Variants in MAML3 observed in about 807,000 individuals in gnomAD.
MAML3 encodes mastermind like transcriptional coactivator 3, also known as mastermind-like protein 3.
In MAML3, 27 loss-of-function variants were observed where a neutral mutation model predicts 101.9. That is an observed-to-expected ratio of 0.27 (90% CI 0.20 to 0.37). The LOEUF is 0.37. Among genes scored for constraint, MAML3 ranks in the 10% least tolerant of loss-of-function variants. MAML3 has a pLI of 1.00. For missense variants in MAML3, 1,316 were observed against 1,444.9 expected (o/e 0.91, Z 1.45); for synonymous variants, 501 against 555.9 (o/e 0.90, Z 1.39).
intron 2 of MAML3, among the ~76,000 whole-genome samples, chr4:139,775,135 T>G (rs1464224178): frequency 1.3e-5 from 2 of 152,152 alleles, no homozygotes; most frequent in Non-Finnish European, 2.9e-5. Context: ...ATTCTCTGGG[T>G]TTTATACTGC....
chr4:139,723,236 T>C (rs1231633156), intron 4 of MAML3, among the ~76,000 whole-genome samples: 9 of 152,244 alleles, frequency 5.9e-5, no homozygotes, highest in Non-Finnish European at 1.3e-4. Context: ...TCTATTTATA[T>C]AGAAACAAAA....
intron 1 of MAML3, among the ~76,000 whole-genome samples, chr4:139,946,902 C>CACAG (rs1421737127): frequency 2.5e-5 from 3 of 117,686 alleles, no homozygotes; most frequent in Admixed American, 7.5e-5. Context: ...CACACACACA[C>CACAG]ACACACACAC....
In MAML3 at chr4:139,858,452, CT is replaced by C. The variant is rs59968954; in HGVS notation, c.2079+30904del. On this transcript the variant is annotated intron_variant, in intron 2 of 4. Transcript: ENST00000509479. ...GGCTGGGTAGCCTGATGATTCTTGG[CT>C]TTTTTTTTTTTTTTTTTTTGCAATG... Among the ~76,000 whole-genome samples, 148 of 131,364 alleles carry C rather than the reference CT, an allele frequency of 1.1e-3. 1 individual carries two copies. The highest frequency in any genetic ancestry group is 5.2e-3 in the South Asian group (22 of 4,230). The allele number at this position is 131,364 out of a possible 152,430, so 86.2% of individuals were successfully genotyped here.
At chr4:139,810,242 G>A (rs1228244105) in intron 2 of MAML3, among the ~76,000 whole-genome samples, 4 of 147,480 alleles carry the variant, frequency 2.7e-5, no homozygotes, top group African/African-American at 1.0e-4. Context: ...ACCCAGGCTG[G>A]AGTGCAGTGG....
At chr4:139,775,122 A>G (rs967320001) in intron 2 of MAML3, among the ~76,000 whole-genome samples, 8 of 152,184 alleles carry the variant, frequency 5.3e-5, no homozygotes, top group African/African-American at 1.9e-4. Flanking sequence ...TGCATGGTAT[A>G]TGATTCTCTG....
chr4:140,017,638 C>G (rs1044840625), intron 1 of MAML3, among the ~76,000 whole-genome samples: 2 of 151,738 alleles, frequency 1.3e-5, no homozygotes, highest in Non-Finnish European at 2.9e-5. Flanking sequence ...ACTATTGATA[C>G]ACACAACAGA....
intron 1 of MAML3, among the ~76,000 whole-genome samples, chr4:140,141,069 C>G (rs914063462): frequency 2.1e-4 from 32 of 152,124 alleles, no homozygotes; most frequent in African/African-American, 7.7e-4. Context: ...ACACTGCAGT[C>G]AGGTGAAGAC....
At chr4:139,738,912 T>A (rs1019283127) in intron 2 of MAML3, among the ~76,000 whole-genome samples, 1 of 152,230 alleles carries the variant, frequency 6.6e-6, no homozygotes, top group Non-Finnish European at 1.5e-5. Flanking sequence ...CACCTACTGA[T>A]TCTTAACTAA....
intron 1 of MAML3, among the ~76,000 whole-genome samples, chr4:140,001,914 GTAT>G (rs2110845291): frequency 6.6e-6 from 1 of 152,200 alleles, no homozygotes; most frequent in African/African-American, 2.4e-5. Flanking sequence ...CAAATGAACA[GTAT>G]TATTTTAAAA....
At chr4:140,046,594 G>C (rs985970468) in intron 1 of MAML3, among the ~76,000 whole-genome samples, 1 of 152,088 alleles carries the variant, frequency 6.6e-6, no homozygotes, top group Non-Finnish European at 1.5e-5. Context: ...TCTTCGTTAC[G>C]TAACAATTCA....
chr4:139,721,507 A>C (rs1459883834), intron 4 of MAML3, among the ~76,000 whole-genome samples: 1 of 152,218 alleles, frequency 6.6e-6, no homozygotes, highest in African/African-American at 2.4e-5. Context: ...ACCAGATGAG[A>C]ATAGTCTAAC....
chr4:139,755,380 G>T (rs548829343), intron 2 of MAML3, among the ~76,000 whole-genome samples: 28 of 152,120 alleles, frequency 1.8e-4, no homozygotes, highest in Non-Finnish European at 3.1e-4. Flanking sequence ...AGGCTGAGGC[G>T]GGTGGATCAC....
At chr4:140,141,360 GGTT>G (rs1221091900) in intron 1 of MAML3, among the ~76,000 whole-genome samples, 1 of 152,172 alleles carries the variant, frequency 6.6e-6, no homozygotes. Context: ...CAGGTCAGCA[GGTT>G]GTTATTACCA....
intron 1 of MAML3, among the ~76,000 whole-genome samples, chr4:140,022,120 G>T (rs56369810): frequency 6.6e-6 from 1 of 151,904 alleles, no homozygotes; most frequent in Non-Finnish European, 1.5e-5. Flanking sequence ...ATTCCAGCAA[G>T]TGAGTGTGAG....
chr4:140,133,815 T>C (rs540251951), intron 1 of MAML3, among the ~76,000 whole-genome samples: 101 of 152,338 alleles, frequency 6.6e-4, no homozygotes, highest in Middle Eastern at 6.8e-3. Flanking sequence ...ACTCATCCTA[T>C]AAGCATGCTG....
intron 1 of MAML3, among the ~76,000 whole-genome samples, chr4:140,010,770 T>C (rs758911041): frequency 3.3e-5 from 5 of 152,098 alleles, no homozygotes; most frequent in Non-Finnish European, 5.9e-5. Context: ...ATTTCTAACT[T>C]GAATTAAGGG....
chr4:139,828,334 T>C (rs6536500), intron 2 of MAML3, among the ~76,000 whole-genome samples: 20,279 of 152,210 alleles, frequency 0.13, 3,367 homozygotes, highest in African/African-American at 0.39. Context: ...AAGTCAAACA[T>C]GTCACCAAAG....
chr4:139,958,024 T>C (rs376473442), intron 1 of MAML3, among the ~76,000 whole-genome samples: 1 of 152,344 alleles, frequency 6.6e-6, no homozygotes, highest in Non-Finnish European at 1.5e-5. Context: ...ATATTAACTA[T>C]GTTGGAAAAT....
At chr4:139,873,903 T>G (rs912150968) in intron 2 of MAML3, among the ~76,000 whole-genome samples, 2 of 152,276 alleles carry the variant, frequency 1.3e-5, no homozygotes, top group African/African-American at 2.4e-5. Context: ...TTGAAGTGGC[T>G]ATGTTTTGAG....
Sources: allele counts gnomAD v4.1 joint callset (sites outside exome capture counted in the v4.1 genomes callset), GRCh38; gene constraint gnomAD v4.1.1; transcripts MANE v1.5; gene names NCBI Gene and HGNC (gene_info 2026-07-23, HGNC 2026-07-21).